ITGBL1: variants seen among roughly 807,000 people sequenced by gnomAD.
ITGBL1 encodes integrin subunit beta like 1.
A neutral mutation model predicts 68.5 loss-of-function variants in ITGBL1; 51 were observed. The ratio of observed to expected loss-of-function variants is 0.74; its 90% CI spans 0.59 to 0.94. The LOEUF (loss-of-function observed/expected upper bound fraction) is 0.94, where lower values mean the gene tolerates loss of function less well. ITGBL1 is among the 40% of genes least tolerant of loss of function. ITGBL1 has a pLI of 0.00. For missense variants in ITGBL1, 649 were observed against 647.4 expected, an observed-to-expected ratio of 1.00 and a Z score of -0.03; for synonymous variants, 209 against 227.3, an observed-to-expected ratio of 0.92 and a Z score of 0.72.
Position 101,706,744 on chromosome 13 carries a change from G to GT in ITGBL1, c.1133-10dup. ...CTCATCCTCTCACTCCTTTCCTGTG[G>GT]TTGCTTCACAGGCCACGGCACATGT... On this transcript the variant is annotated splice_polypyrimidine_tract_variant and intron_variant, in intron 8 of 10. Transcript: ENST00000376180. 6.2e-7 allele frequency: 1 copy of GT among 1,612,050 alleles called. No homozygotes were observed. Among genetic ancestry groups the GT allele is most frequent in the Non-Finnish European group, 8.5e-7 (1 of 1,178,612 alleles).
Position 101,550,893 on chromosome 13 carries a change from T to C in ITGBL1, c.317-16806T>C, listed in dbSNP as rs116720305. Among the ~76,000 whole-genome samples, 598 of 152,338 alleles carry C rather than the reference T, an allele frequency of 3.9e-3. 7 individuals carry two copies. The highest frequency in any genetic ancestry group is 0.014 in the Middle Eastern group (4 of 294). On this transcript the variant is annotated intron_variant, in intron 2 of 10. Transcript: ENST00000376180. ...CCAGGAAAAAAAATAGAACAAAGCT[T>C]AATAAAACATAACTTAGTTCAAGCC... is the stretch of plus-strand genomic sequence containing the variant.
At chr13:101,545,547 T>C (rs948413400) in intron 2 of ITGBL1, among the ~76,000 whole-genome samples, 3 of 152,204 alleles carry the variant, frequency 2.0e-5, no homozygotes, top group African/African-American at 2.4e-5. Context: ...TGTACACTTT[T>C]ATCTGTAGAC....
chr13:101,519,346 G>C (rs190020641), intron 2 of ITGBL1, among the ~76,000 whole-genome samples: 18 of 152,116 alleles, frequency 1.2e-4, no homozygotes, highest in Non-Finnish European at 2.6e-4. Context: ...TGAAATAAGC[G>C]TAGTGCAAAT....
intron 9 of ITGBL1, chr13:101,713,666 CATTT>C (rs1054435268): frequency 1.3e-5 from 2 of 152,074 alleles, no homozygotes; most frequent in African/African-American, 4.8e-5. Context: ...TTCATCATCT[CATTT>C]ATTTTCTTTT....
intron 7 of ITGBL1, among the ~76,000 whole-genome samples, chr13:101,664,633 C>T (rs1338935794): frequency 2.0e-5 from 3 of 152,092 alleles, no homozygotes; most frequent in Non-Finnish European, 4.4e-5. Context: ...ATTAGCCCAC[C>T]ATAAATCAAG....
chr13:101,510,295 A>T (rs373074254), intron 2 of ITGBL1, among the ~76,000 whole-genome samples: 125 of 152,228 alleles, frequency 8.2e-4, no homozygotes, highest in African/African-American at 2.9e-3. Context: ...TTCACTTAGG[A>T]TTATGGCCTC....
Position 101,688,232 on chromosome 13 carries a change from A to G in ITGBL1, c.1016-4353A>G, listed in dbSNP as rs1453277654. Among the ~76,000 whole-genome samples, 10 of 152,066 alleles carry G rather than the reference A, an allele frequency of 6.6e-5. No homozygotes were observed. In the East Asian group the frequency reaches 1.3e-3, roughly 21 times the overall value. The stretch of plus-strand genomic sequence containing the variant: ...ACCGTAGTGATTTTATCATTTAACA[A>G]TTGGGTTGAGGCACTTGCTTATCTA... On this transcript the variant is annotated intron_variant, in intron 7 of 10. Transcript: ENST00000376180.
intron 7 of ITGBL1, among the ~76,000 whole-genome samples, chr13:101,675,017 T>C (rs1019098317): frequency 1.3e-5 from 2 of 152,204 alleles, no homozygotes; most frequent in African/African-American, 4.8e-5. Flanking sequence ...TCTGTTTGTC[T>C]GGAAAAGTTC....
At position 101,690,589 on chromosome 13, in the gene ITGBL1, T is replaced by C. The variant is rs1393501305; in HGVS notation, c.1016-1996T>C. On this transcript the variant is annotated intron_variant, in intron 7 of 10. Transcript: ENST00000376180. ...AGTTTGCCTCTTTCTCCCCACAGCC[T>C]GCATTATTGGAATCATTTGCACATC... Among the ~76,000 whole-genome samples the C allele has an allele frequency of 2.0e-5, 3 of 152,100 alleles. No individual in the cohort carries two copies. In the East Asian group the frequency reaches 5.8e-4, roughly 29 times the overall value.
intron 6 of ITGBL1, 80 bp downstream of exon 6, chr13:101,583,436 AG>A: frequency 3.4e-6 from 4 of 1,190,622 alleles, no homozygotes; most frequent in Non-Finnish European, 4.6e-6. Context: ...AAAAGCAATT[AG>A]AAAGAATAAA....
At chr13:101,512,886 C>G (rs1444941927) in intron 2 of ITGBL1, among the ~76,000 whole-genome samples, 1 of 151,998 alleles carries the variant, frequency 6.6e-6, no homozygotes, top group Non-Finnish European at 1.5e-5. Context: ...TTTCCTGTAC[C>G]AGGACATAGC....
intron 6 of ITGBL1, among the ~76,000 whole-genome samples, chr13:101,591,152 C>T (rs9518456): frequency 0.018 from 2,700 of 152,302 alleles, 23 homozygotes; most frequent in Non-Finnish European, 0.028. Context: ...ATCTACCTGC[C>T]TTGGCCTTCC....
chr13:101,494,149 C>A (rs572389499), intron 2 of ITGBL1, among the ~76,000 whole-genome samples: 1 of 152,136 alleles, frequency 6.6e-6, no homozygotes, highest in African/African-American at 2.4e-5. Context: ...AGCCAAAAAG[C>A]AAACAGGGGA....
intron 7 of ITGBL1, among the ~76,000 whole-genome samples, chr13:101,650,363 G>A (rs558466531): frequency 7.0e-4 from 106 of 151,814 alleles, no homozygotes; most frequent in African/African-American, 2.3e-3. Flanking sequence ...TGTACCTTAT[G>A]GTAAATACTT....
chr13:101,525,526 G>GTT (rs1555356247), intron 2 of ITGBL1, among the ~76,000 whole-genome samples: 33,546 of 106,964 alleles, frequency 0.31, 4,516 homozygotes, highest in African/African-American at 0.41. Flanking sequence ...CAGGCACCTT[G>GTT]TTTTTTTTTT....
chr13:101,647,904 G>A (rs1050819062), intron 7 of ITGBL1, among the ~76,000 whole-genome samples: 3 of 152,146 alleles, frequency 2.0e-5, no homozygotes, highest in Non-Finnish European at 2.9e-5. Context: ...AAATTGATTA[G>A]AACTGGTGGG....
chr13:101,585,757 G>A (rs1262895025), intron 6 of ITGBL1, among the ~76,000 whole-genome samples: 2 of 152,058 alleles, frequency 1.3e-5, no homozygotes, highest in African/African-American at 4.8e-5. Flanking sequence ...TTGCTTTTGA[G>A]ATAAACATGA....
chr13:101,717,160 T>C (rs2034756205), downstream of ITGBL1: 1 of 152,130 alleles, frequency 6.6e-6, no homozygotes, highest in African/African-American at 2.4e-5. Context: ...GCTTAAACTT[T>C]ATAAGTCAAA....
chr13:101,703,601 G>A (rs762324063), intron 8 of ITGBL1, among the ~76,000 whole-genome samples: 4 of 152,158 alleles, frequency 2.6e-5, no homozygotes, highest in Non-Finnish European at 5.9e-5. Flanking sequence ...TTTTTCCAAC[G>A]TTGTGATGGT....
Sources: allele counts gnomAD v4.1 joint callset (sites outside exome capture counted in the v4.1 genomes callset), GRCh38; gene constraint gnomAD v4.1.1; transcripts MANE v1.5; gene names NCBI Gene and HGNC (gene_info 2026-07-23, HGNC 2026-07-21).